NR5A2: variants seen among roughly 807,000 people sequenced by gnomAD.
NR5A2 encodes CYP7A promoter-binding factor.
In NR5A2, 26 loss-of-function variants were observed where a neutral mutation model predicts 62.7. The observed-to-expected ratio is 0.41, with a 90% CI of 0.30 to 0.58. NR5A2 has a LOEUF of 0.58. Ranked by LOEUF, NR5A2 falls within the 20% of genes least tolerant of loss-of-function variation. NR5A2 has a pLI of 0.22. For missense variants in NR5A2, 541 were observed against 669.1 expected, an observed-to-expected ratio of 0.81 and a Z score of 2.11; for synonymous variants, 246 against 241.7, an observed-to-expected ratio of 1.02 and a Z score of -0.16.
At chr1:200,052,282 A>G (rs1486270224) in intron 5 of NR5A2, among the ~76,000 whole-genome samples, 2 of 152,126 alleles carry the variant, frequency 1.3e-5, no homozygotes, top group Non-Finnish European at 2.9e-5. Flanking sequence ...TCCCCACCCT[A>G]TCTTTCTGTA....
chr1:200,145,223 T>C (rs1031077051), intron 7 of NR5A2, among the ~76,000 whole-genome samples: 2 of 152,108 alleles, frequency 1.3e-5, no homozygotes, highest in Non-Finnish European at 1.5e-5. Flanking sequence ...GGCAGGAGAA[T>C]CGCCTGAACC....
chr1:200,086,406 C>T (rs945319882), intron 5 of NR5A2, among the ~76,000 whole-genome samples: 1 of 152,010 alleles, frequency 6.6e-6, no homozygotes, highest in Non-Finnish European at 1.5e-5. Context: ...TGGGTTCAAG[C>T]TATTCTCCTG....
chr1:200,080,745 A>G (rs932878809), intron 5 of NR5A2, among the ~76,000 whole-genome samples: 1 of 152,226 alleles, frequency 6.6e-6, no homozygotes, highest in Non-Finnish European at 1.5e-5. Context: ...GCATTTAACT[A>G]CAAGAAGTTA....
At chr1:200,043,076 C>T in intron 2 of NR5A2, 1 of 856,174 alleles carries the variant, frequency 1.2e-6, no homozygotes, top group Non-Finnish European at 1.4e-6. Context: ...GTATTTTTCC[C>T]CGTACGGGCG....
chr1:200,150,801 A>G (rs908994570), intron 7 of NR5A2, among the ~76,000 whole-genome samples: 3 of 152,312 alleles, frequency 2.0e-5, no homozygotes, highest in African/African-American at 7.2e-5. Flanking sequence ...CTCTAATCAC[A>G]TAAGAAGAAC....
chr1:200,132,987 T>C (rs1007930244), intron 7 of NR5A2, among the ~76,000 whole-genome samples: 1 of 152,196 alleles, frequency 6.6e-6, no homozygotes, highest in Non-Finnish European at 1.5e-5. Flanking sequence ...TTTAAGCTAA[T>C]GGAGGTTAAG....
intron 7 of NR5A2, among the ~76,000 whole-genome samples, chr1:200,149,326 G>A (rs899988139): frequency 6.6e-6 from 1 of 152,194 alleles, no homozygotes; most frequent in Non-Finnish European, 1.5e-5. Context: ...TAACTGATGC[G>A]TGGCCAAAGG....
At chr1:200,053,563 G>GCACACGCGCACA (rs1662758811) in intron 5 of NR5A2, among the ~76,000 whole-genome samples, 1 of 70,314 alleles carries the variant, frequency 1.4e-5, no homozygotes, top group African/African-American at 7.6e-5. Context: ...CCCCCAGCAT[G>GCACACGCGCACA]CACACGCACA....
intron 5 of NR5A2, among the ~76,000 whole-genome samples, chr1:200,103,654 C>T (rs1665504228): frequency 6.6e-6 from 1 of 152,180 alleles, no homozygotes. Context: ...CATGTCACAG[C>T]AGTATCAACA....
intron 7 of NR5A2, among the ~76,000 whole-genome samples, chr1:200,171,186 A>G (rs754038420): frequency 1.1e-4 from 16 of 152,236 alleles, no homozygotes; most frequent in Non-Finnish European, 1.9e-4. Context: ...ATGTGTATAG[A>G]TGTAGAAACA....
At chr1:200,126,651 G>C (rs1326401735) in intron 7 of NR5A2, among the ~76,000 whole-genome samples, 2 of 151,172 alleles carry the variant, frequency 1.3e-5, no homozygotes, top group East Asian at 3.9e-4. Context: ...CCTTTAGAAA[G>C]TAGGGAGATA....
intron 7 of NR5A2, among the ~76,000 whole-genome samples, chr1:200,130,089 G>T (rs867836962): frequency 6.6e-5 from 10 of 152,238 alleles, no homozygotes; most frequent in Non-Finnish European, 1.0e-4. Flanking sequence ...GTGTTGTGTT[G>T]TTTTTCTGCC....
chr1:200,142,834 CCTTGT>C (rs781099230), intron 7 of NR5A2, among the ~76,000 whole-genome samples: 3 of 151,236 alleles, frequency 2.0e-5, no homozygotes, highest in Non-Finnish European at 4.4e-5. Flanking sequence ...TTTCTTCTTG[CCTTGT>C]CTTATGGCAC....
At chr1:200,153,418 T>C (rs1432290747) in intron 7 of NR5A2, among the ~76,000 whole-genome samples, 2 of 152,202 alleles carry the variant, frequency 1.3e-5, no homozygotes, top group Non-Finnish European at 2.9e-5. Flanking sequence ...TCTGAGAATG[T>C]CGCAGCATCC....
At chr1:200,150,574 G>C (rs956366775) in intron 7 of NR5A2, among the ~76,000 whole-genome samples, 3 of 152,132 alleles carry the variant, frequency 2.0e-5, no homozygotes, top group African/African-American at 4.8e-5. Flanking sequence ...AACACTGAAA[G>C]TTCAGTGTAG....
At chr1:200,105,509 T>C (rs552288045) in intron 5 of NR5A2, among the ~76,000 whole-genome samples, 9 of 152,204 alleles carry the variant, frequency 5.9e-5, no homozygotes, top group Non-Finnish European at 1.2e-4. Flanking sequence ...AAGGCAGGGA[T>C]TGTATTTTAA....
At chr1:200,087,416 A>T (rs2102245739) in intron 5 of NR5A2, among the ~76,000 whole-genome samples, 1 of 150,888 alleles carries the variant, frequency 6.6e-6, no homozygotes, top group African/African-American at 2.4e-5. Context: ...TTTTTTTGAG[A>T]CGGAGTCTCA....
chr1:200,137,475 C>T (rs1321646066), intron 7 of NR5A2, among the ~76,000 whole-genome samples: 1 of 151,990 alleles, frequency 6.6e-6, no homozygotes, highest in Non-Finnish European at 1.5e-5. Context: ...CCAGATTTTA[C>T]TTTTAATATG....
intron 5 of NR5A2, among the ~76,000 whole-genome samples, chr1:200,063,406 C>T (rs1663320684): frequency 6.6e-6 from 1 of 152,158 alleles, no homozygotes; most frequent in Admixed American, 6.5e-5. Context: ...GATCCACCCA[C>T]CTTGGCCTCC....
Sources: allele counts gnomAD v4.1 joint callset (sites outside exome capture counted in the v4.1 genomes callset), GRCh38; gene constraint gnomAD v4.1.1; transcripts MANE v1.5; gene names NCBI Gene and HGNC (gene_info 2026-07-23, HGNC 2026-07-21).